The following MORN2 variants were observed in gnomAD, a reference collection of about 807,000 sequenced individuals.
MORN2 encodes MORN repeat-containing protein 2.
A neutral mutation model predicts 13.4 loss-of-function variants in MORN2; 15 were observed. The ratio of observed to expected loss-of-function variants is 1.12; its 90% CI spans 0.75 to 1.72. MORN2 has a LOEUF of 1.72. Among genes scored for constraint, MORN2 ranks in the 40% most tolerant of loss-of-function variants. MORN2 has a pLI of 0.00. For missense variants in MORN2, 168 were observed against 134.6 expected, an observed-to-expected ratio of 1.25 and a Z score of -1.23; for synonymous variants, 46 against 43.6, an observed-to-expected ratio of 1.06 and a Z score of -0.22.
chr2:38,876,831 T>C (rs747958759), intron 1 of MORN2, among the ~76,000 whole-genome samples: 2 of 152,202 alleles, frequency 1.3e-5, no homozygotes, highest in Admixed American at 6.5e-5. Context: ...GTGCTTTAAC[T>C]AGATTAGCTC....
rs1181738717 is a variant in MORN2 at position 38,882,520 on chromosome 2, G to C, written c.*5G>C. The C allele has an allele frequency of 1.3e-6, 2 of 1,540,128 alleles. No homozygotes were observed. The highest frequency in any genetic ancestry group is 1.8e-6 in the Non-Finnish European group (2 of 1,138,208). ...AAATTAAAGCTTCACATGTAGATGT[G>C]ATGTTAAATTAAAGTTGAAATGTAG... On this transcript the variant is annotated 3_prime_UTR_variant, in exon 5 of 5. Transcript: ENST00000644631.
chr2:38,877,879 C>T (rs1665691520), intron 1 of MORN2, among the ~76,000 whole-genome samples: 1 of 152,064 alleles, frequency 6.6e-6, no homozygotes, highest in South Asian at 2.1e-4. Context: ...TCACTGCAGC[C>T]TTCACTTCCT....
chr2:38,878,410 G>A (rs367885516), intron 1 of MORN2, among the ~76,000 whole-genome samples: 1 of 152,070 alleles, frequency 6.6e-6, no homozygotes, highest in East Asian at 1.9e-4. Context: ...GAAAAATTTG[G>A]CTATTTATTC....
chr2:38,876,297 G>C (rs1334309822), intron 1 of MORN2, 187 bp downstream of exon 1: 1 of 393,496 alleles, frequency 2.5e-6, no homozygotes, highest in East Asian at 3.6e-5. Flanking sequence ...TTGTTAATTC[G>C]CTGTTGAGAC....
chr2:38,876,461 T>C (rs994249843), intron 1 of MORN2, among the ~76,000 whole-genome samples: 8 of 152,192 alleles, frequency 5.3e-5, no homozygotes, highest in Non-Finnish European at 1.2e-4. Context: ...TATGATTACG[T>C]TTAATGCTCT....
intron 1 of MORN2, among the ~76,000 whole-genome samples, chr2:38,879,640 G>A (rs1395841937): frequency 6.6e-6 from 1 of 152,002 alleles, no homozygotes; most frequent in Non-Finnish European, 1.5e-5. Context: ...GTTGTGGGGT[G>A]AGGGGTGTTT....
At chr2:38,882,271 G>A in intron 4 of MORN2, 142 bp from the exon 5 acceptor site, 3 of 163,862 alleles carry the variant, frequency 1.8e-5, no homozygotes, top group Non-Finnish European at 2.5e-5. Context: ...GGATATGAAA[G>A]CAGGATGCTG....
chr2:38,880,806 G>C (rs549368069), intron 3 of MORN2, 100 bp downstream of exon 3: 1 of 1,233,584 alleles, frequency 8.1e-7, no homozygotes, highest in African/African-American at 1.5e-5. Context: ...ATAATGAGTA[G>C]ACTATATAAT....
chr2:38,876,694 G>T lies in MORN2; in HGVS notation c.58+584G>T, dbSNP rs1311211893. On this transcript the variant is annotated intron_variant, in intron 1 of 4. Transcript: ENST00000644631. Reference sequence around the variant, plus strand: ...AGTAGGAATAGGCCCAGAGTGCCGTGGGGGTTCCTGAAGGAGTCTGAGGTT... The same window carrying T: ...AGTAGGAATAGGCCCAGAGTGCCGTTGGGGTTCCTGAAGGAGTCTGAGGTT... Among the ~76,000 whole-genome samples the T allele has an allele frequency of 2.0e-5, 3 of 152,300 alleles. No individual in the cohort carries two copies. In the East Asian group the frequency reaches 5.8e-4, roughly 29 times the overall value.
intron 1 of MORN2, among the ~76,000 whole-genome samples, chr2:38,877,375 A>G (rs1665668346): frequency 6.6e-6 from 1 of 152,100 alleles, no homozygotes; most frequent in African/African-American, 2.4e-5. Flanking sequence ...CACATCTTGC[A>G]GACATGTAAA....
intron 4 of MORN2, 44 bp downstream of exon 4, chr2:38,881,622 A>G (rs1184340069): frequency 2.9e-6 from 4 of 1,360,328 alleles, no homozygotes; most frequent in South Asian, 2.9e-5. Flanking sequence ...CTAAAAGATT[A>G]TTTTCTGGTA....
At chr2:38,879,069 G>T (rs936825571) in intron 1 of MORN2, among the ~76,000 whole-genome samples, 13 of 152,150 alleles carry the variant, frequency 8.5e-5, no homozygotes, top group African/African-American at 3.1e-4. Flanking sequence ...CCTCAGTCTT[G>T]CGGTCCTCTT....
Position 38,880,540 on chromosome 2 carries a change from C to T in MORN2, c.110-60C>T, listed in dbSNP as rs575475307. 16 of 1,128,718 alleles carry T rather than the reference C, an allele frequency of 1.4e-5. No homozygotes were observed. In the East Asian group the frequency reaches 1.7e-4, roughly 12 times the overall value. 69.9% of individuals were successfully genotyped at this position (1,128,718 alleles called of 1,614,324 possible). On this transcript the variant is annotated intron_variant, in intron 2 of 4. Transcript: ENST00000644631. The stretch of plus-strand genomic sequence containing the variant: ...CAAAGAAACCCATGAGGTGTAGTTG[C>T]GATTAGGCCCAGACATAACTATTCT...
At position 38,875,985 on chromosome 2, in the gene MORN2, C is replaced by T. The variant is rs2124963382; in HGVS notation, c.-68C>T. On this transcript the variant is annotated 5_prime_UTR_variant, in exon 1 of 5. Transcript: ENST00000644631. ...GTATTCGCTTCCGGGTGAGAGGTGCCCGGTCGCCCCAGCAACCAAGTCGCA... is the reference window on the plus strand; with the variant it reads ...GTATTCGCTTCCGGGTGAGAGGTGCTCGGTCGCCCCAGCAACCAAGTCGCA... The T allele has an allele frequency of 2.5e-6, 1 of 398,720 alleles. No homozygotes were observed. Among genetic ancestry groups the T allele is most frequent in the East Asian group, 3.6e-5 (1 of 28,072 alleles). 24.7% of individuals were successfully genotyped at this position (398,720 alleles called of 1,614,324 possible). A position where few individuals can be genotyped will look rare whatever the true frequency, so the allele number is the denominator to read the frequency against.
chr2:38,881,973 A>T (rs1167203143), intron 4 of MORN2, among the ~76,000 whole-genome samples: 1 of 152,222 alleles, frequency 6.6e-6, no homozygotes, highest in African/African-American at 2.4e-5. Context: ...TATTTAGTTA[A>T]TTCTAAATAT....
chr2:38,876,331 C>T (rs1158176292), intron 1 of MORN2: 4 of 388,890 alleles, frequency 1.0e-5, no homozygotes, highest in Non-Finnish European at 1.4e-5. Context: ...GCCAACCTCC[C>T]TGGGCCTCAG....
At chr2:38,877,156 C>G (rs1665652875) in intron 1 of MORN2, among the ~76,000 whole-genome samples, 1 of 152,132 alleles carries the variant, frequency 6.6e-6, no homozygotes, top group Non-Finnish European at 1.5e-5. Context: ...GTTCCAGCTA[C>G]TTGGGAGGCT....
chr2:38,881,459 A>C lies in MORN2; in HGVS notation c.234A>C (p.Arg78Ser). 1 of 1,538,528 alleles carries C rather than the reference A, an allele frequency of 6.5e-7. No homozygotes were observed. The highest frequency in any genetic ancestry group is 2.1e-5 in the Admixed American group (1 of 47,864). ...ACAAACAGATGAATGGTTTTGGAAG[A>C]CTTGAGCATTTTTCAGGAGCAGTAT... is the stretch of plus-strand genomic sequence containing the variant. The change falls in exon 4 of 5, where the codon AGA (arginine) becomes AGC (serine). Residue 78 changes from arginine to serine, a missense_variant. By Grantham distance (110) the Arg-to-Ser change is moderately radical (BLOSUM62 -1). Transcript: ENST00000644631.
chr2:38,878,413 A>G (rs1572728250), intron 1 of MORN2, among the ~76,000 whole-genome samples: 2 of 152,144 alleles, frequency 1.3e-5, no homozygotes, highest in South Asian at 2.1e-4. Context: ...AAATTTGGCT[A>G]TTTATTCAAA....
Sources: gnomAD v4.1 joint callset for allele counts (sites outside exome capture counted in the v4.1 genomes callset) on GRCh38, gnomAD v4.1.1 for gene constraint, MANE v1.5 for transcripts, NCBI Gene and HGNC (gene_info 2026-07-23, HGNC 2026-07-21) for gene names.